MAGI2: variants seen among roughly 807,000 people sequenced by gnomAD.
MAGI2 encodes the protein membrane-associated guanylate kinase, WW and PDZ domain-containing protein 2.
Under a neutral mutation model 133.3 loss-of-function variants are expected in MAGI2, and 35 were observed. The ratio of observed to expected loss-of-function variants is 0.26; its 90% CI spans 0.20 to 0.35. The LOEUF (loss-of-function observed/expected upper bound fraction) is 0.35. Among genes scored for constraint, MAGI2 ranks in the 10% least tolerant of loss-of-function variants. The pLI, the probability that MAGI2 is intolerant of heterozygous loss-of-function variation, is 1.00. For missense variants in MAGI2, 1,636 were observed against 1,863.4 expected, an observed-to-expected ratio of 0.88 and a Z score of 2.25; for synonymous variants, 729 against 710.6, an observed-to-expected ratio of 1.03 and a Z score of -0.41.
At position 79,328,281 on chromosome 7, in the gene MAGI2, A is replaced by G. The variant is rs115683149; in HGVS notation, c.301+124739T>C. Reference sequence around the variant, plus strand: ...CATGATTGAATTTTGCTAAATACCTATGTCTTACTTATCTTTCCTGTAATA... The same window carrying G: ...CATGATTGAATTTTGCTAAATACCTGTGTCTTACTTATCTTTCCTGTAATA... On this transcript the variant is annotated intron_variant, in intron 1 of 21. Coordinates refer to ENST00000354212, the MANE Select transcript of MAGI2 (RefSeq NM_012301.4). 2.1e-3 allele frequency among the ~76,000 whole-genome samples: 318 copies of G among 152,272 alleles called. 1 individual carries two copies. The highest frequency in any genetic ancestry group is 7.3e-3 in the African/African-American group (305 of 41,556).
chr7:78,662,552 AGT>A (rs900964304), intron 2 of MAGI2, among the ~76,000 whole-genome samples: 1 of 152,180 alleles, frequency 6.6e-6, no homozygotes, highest in African/African-American at 2.4e-5. Context: ...TTTGCAGAAA[AGT>A]GTGTATTATC....
At chr7:78,893,200 G>C (rs1181605458) in intron 2 of MAGI2, among the ~76,000 whole-genome samples, 1 of 152,066 alleles carries the variant, frequency 6.6e-6, no homozygotes, top group Non-Finnish European at 1.5e-5. Flanking sequence ...ACACCAGTTA[G>C]AATGGCAATC....
At chr7:78,168,260 A>G (rs1381763392) in intron 14 of MAGI2, 152 bp from the exon 15 acceptor site, 5 of 626,042 alleles carry the variant, frequency 8.0e-6, no homozygotes, top group Non-Finnish European at 1.4e-5. Flanking sequence ...GGTTCACGCC[A>G]TCTTTTTCCT....
intron 20 of MAGI2, among the ~76,000 whole-genome samples, chr7:78,119,706 G>T (rs1022526267): frequency 6.6e-5 from 10 of 152,026 alleles, no homozygotes; most frequent in Non-Finnish European, 1.5e-4. Context: ...TTGATAGAGA[G>T]GAGGCTGTGC....
chr7:78,713,392 G>C (rs146801073), intron 2 of MAGI2, among the ~76,000 whole-genome samples: 4 of 152,212 alleles, frequency 2.6e-5, no homozygotes, highest in Admixed American at 6.5e-5. Context: ...AAGTCAGTGG[G>C]GATGAAGGCA....
intron 9 of MAGI2, among the ~76,000 whole-genome samples, chr7:78,284,526 C>T (rs1158467420): frequency 2.0e-5 from 3 of 151,082 alleles, no homozygotes; most frequent in Non-Finnish European, 2.9e-5. Context: ...GGCCAGAAGT[C>T]AATGCAATGT....
intron 3 of MAGI2, among the ~76,000 whole-genome samples, chr7:78,569,431 C>T (rs1801280127): frequency 6.6e-6 from 1 of 152,152 alleles, no homozygotes; most frequent in Non-Finnish European, 1.5e-5. Flanking sequence ...ACGCTAAACA[C>T]CCCACACTAA....
chr7:78,985,773 C>A (rs1805200947), intron 2 of MAGI2, among the ~76,000 whole-genome samples: 3 of 151,990 alleles, frequency 2.0e-5, no homozygotes, highest in Admixed American at 2.0e-4. Context: ...ATCCTTGTGA[C>A]CCAAATAAAA....
At chr7:79,012,497 G>C (rs945145628) in intron 1 of MAGI2, among the ~76,000 whole-genome samples, 1 of 151,994 alleles carries the variant, frequency 6.6e-6, no homozygotes, top group African/African-American at 2.4e-5. Flanking sequence ...AGCTTCCCAG[G>C]AGAGAGTGTT....
In MAGI2 at chr7:79,077,586, A is replaced by T. The variant is rs1012584441; in HGVS notation, c.302-70380T>A. Among the ~76,000 whole-genome samples the T allele has an allele frequency of 2.0e-4, 27 of 135,566 alleles. 1 individual carries two copies. The highest frequency in any genetic ancestry group is 1.2e-3 in the East Asian group (6 of 4,802). The allele number at this position is 135,566 out of a possible 152,430, so 88.9% of individuals were successfully genotyped here. On this transcript the variant is annotated intron_variant, in intron 1 of 21. Coordinates refer to ENST00000354212, the MANE Select transcript of MAGI2 (RefSeq NM_012301.4). ...CGAGACTGCCTCTCAAAAAAAAAAAAAAAAAAAAATAAATAAATAAATAAA... is the reference window on the plus strand; with the variant it reads ...CGAGACTGCCTCTCAAAAAAAAAAATAAAAAAAAATAAATAAATAAATAAA...
intron 10 of MAGI2, among the ~76,000 whole-genome samples, chr7:78,209,994 AT>A (rs919777148): frequency 6.6e-6 from 1 of 152,174 alleles, no homozygotes; most frequent in African/African-American, 2.4e-5. Context: ...CAGCTTAAGT[AT>A]CATTTTCTCA....
intron 21 of MAGI2, among the ~76,000 whole-genome samples, chr7:78,059,775 A>ATT (rs141199304): frequency 0.03 from 2,686 of 89,394 alleles, 48 homozygotes; most frequent in East Asian, 0.16. Context: ...ATATATATAT[A>ATT]TATTTTTTTT....
chr7:78,160,342 T>G (rs1404650020), intron 15 of MAGI2, 69 bp from the exon 16 acceptor site: 14 of 1,473,454 alleles, frequency 9.5e-6, no homozygotes, highest in Non-Finnish European at 1.3e-5. Flanking sequence ...TCCTATGTAC[T>G]AGGCACTGTT....
At position 78,627,164 on chromosome 7, in the gene MAGI2, T is replaced by G; in HGVS notation, c.494A>C (p.Glu165Ala). ...TAGGAGAGCACCACTTTTCTCCAAT[T>G]CCATAAAATCTTCAACAGTGATGAA... Reference protein sequence around the residue: ...YIFITVEDFMELEKSGALLES... With the variant: ...YIFITVEDFMALEKSGALLES... The change falls in exon 3 of 22, where the codon GAA (glutamate) becomes GCA (alanine). Residue 165 changes from glutamate (E) to alanine (A), a missense_variant. Around this residue, in one of 5 missense-constraint regions of MAGI2, gnomAD observed 148 missense variants for 239.0 expected, o/e 0.62. Transcript: ENST00000354212. 1 of 1,597,948 alleles carries G rather than the reference T, an allele frequency of 6.3e-7. No homozygotes were observed. Among genetic ancestry groups the G allele is most frequent in the East Asian group, 2.3e-5 (1 of 43,318 alleles).
intron 3 of MAGI2, among the ~76,000 whole-genome samples, chr7:78,574,223 A>C (rs1802035945): frequency 6.6e-6 from 1 of 152,166 alleles, no homozygotes; most frequent in African/African-American, 2.4e-5. Context: ...GATCCTGTGA[A>C]AAGGTGACAG....
At chr7:78,616,840 T>A (rs1807155620) in intron 3 of MAGI2, 1 of 152,114 alleles carries the variant, frequency 6.6e-6, no homozygotes, top group African/African-American at 2.4e-5. Context: ...GAAACTTAGG[T>A]ATTCATCCAT....
At chr7:78,288,165 T>G (rs551363601) in intron 9 of MAGI2, among the ~76,000 whole-genome samples, 1 of 152,294 alleles carries the variant, frequency 6.6e-6, no homozygotes, top group Admixed American at 6.5e-5. Context: ...AATCCAGCAG[T>G]GCTTTTGCTC....
At chr7:79,325,029 A>G (rs1046309101) in intron 1 of MAGI2, among the ~76,000 whole-genome samples, 6 of 151,982 alleles carry the variant, frequency 3.9e-5, no homozygotes, top group Non-Finnish European at 7.4e-5. Context: ...GGTCTATAAG[A>G]TGAGAGACAA....
chr7:78,292,817 AAAAC>A (rs1392081928), intron 9 of MAGI2, among the ~76,000 whole-genome samples: 2 of 152,242 alleles, frequency 1.3e-5, no homozygotes, highest in African/African-American at 4.8e-5. Flanking sequence ...AAACCTGACA[AAAAC>A]AAGCAATGGG....
Sources: gnomAD v4.1 joint callset for allele counts (sites outside exome capture counted in the v4.1 genomes callset) on GRCh38, gnomAD v4.1.1 for gene constraint, gnomAD v4.1.1 regional missense constraint, MANE v1.5 for transcripts, NCBI Gene and HGNC (gene_info 2026-07-23, HGNC 2026-07-21) for gene names.